Variants in SLC24A1 observed in about 807,000 individuals in gnomAD.
SLC24A1 encodes solute carrier family 24 member 1, also known as sodium/potassium/calcium exchanger 1.
Under a neutral mutation model 88.1 loss-of-function variants are expected in SLC24A1, and 52 were observed. The observed-to-expected ratio is 0.59, with a 90% confidence interval of 0.47 to 0.74. The LOEUF (loss-of-function observed/expected upper bound fraction) is 0.74, where lower values mean the gene tolerates loss of function less well. Ranked by LOEUF, SLC24A1 falls within the 30% of genes least tolerant of loss-of-function variation. The pLI is 0.00. For synonymous variants in SLC24A1, 455 were observed against 498.0 expected (o/e 0.91, Z 1.15); for missense variants, 1,173 against 1,363.3 (o/e 0.86, Z 2.20).
At chr15:65,641,760 T>G (rs967925488) in intron 4 of SLC24A1, among the ~76,000 whole-genome samples, 2 of 152,228 alleles carry the variant, frequency 1.3e-5, no homozygotes, top group East Asian at 1.9e-4. Context: ...GAGGAATCAC[T>G]GACTCTAGCA....
chr15:65,654,887 C>A lies in SLC24A1; in HGVS notation c.*808C>A, dbSNP rs1258764349. The A allele has an allele frequency of 8.5e-7, 1 of 1,177,296 alleles. No individual in the cohort carries two copies. The highest frequency in any genetic ancestry group is 1.1e-6 in the Non-Finnish European group (1 of 937,828). 72.9% of individuals were successfully genotyped at this position (1,177,296 alleles called of 1,614,324 possible). On this transcript the variant is annotated 3_prime_UTR_variant, in exon 10 of 10. Coordinates refer to ENST00000261892, the MANE Select transcript of SLC24A1 (RefSeq NM_004727.3). The stretch of plus-strand genomic sequence containing the variant: ...TGCTGGGATTACAGGCGTCAGCCAC[C>A]GCGCCTGGCCTATACCAGTATTTTC...
intron 2 of SLC24A1, among the ~76,000 whole-genome samples, chr15:65,628,002 C>T (rs2074578094): frequency 6.6e-6 from 1 of 152,062 alleles, no homozygotes; most frequent in South Asian, 2.1e-4. Flanking sequence ...GTTCTGTTGC[C>T]CAGGCTGGAG....
At chr15:65,647,623 G>T (rs929246084) in intron 6 of SLC24A1, among the ~76,000 whole-genome samples, 2 of 152,156 alleles carry the variant, frequency 1.3e-5, no homozygotes, top group African/African-American at 4.8e-5. Flanking sequence ...TACTTGCTCA[G>T]CTGGGGCTAT....
At chr15:65,617,040 G>A (rs543118422), upstream of SLC24A1, among the ~76,000 whole-genome samples, 65 of 152,252 alleles carry the variant, frequency 4.3e-4, no homozygotes, top group East Asian at 0.012. Flanking sequence ...TTGTAGATGT[G>A]TGGTGTTATT....
intron 2 of SLC24A1, among the ~76,000 whole-genome samples, chr15:65,635,037 C>A (rs567316377): frequency 6.6e-6 from 1 of 152,204 alleles, no homozygotes; most frequent in South Asian, 2.1e-4. Context: ...AACAATGAAT[C>A]CTTAGAAAGG....
At position 65,645,747 on chromosome 15, in the gene SLC24A1, G is replaced by C. The variant is rs764322567; in HGVS notation, c.2232+44G>C. 339 of 1,390,914 alleles carry C rather than the reference G, an allele frequency of 2.4e-4. 1 individual carries two copies. The highest frequency in any genetic ancestry group is 3.4e-4 in the Non-Finnish European group (337 of 1,004,262). The allele number at this position is 1,390,914 out of a possible 1,614,324, so 86.2% of individuals were successfully genotyped here. ...CACAGACAAAATTGGAGAGGTCTAG[G>C]GAAGGAACTCTTGACCAAAAATACA... On this transcript the variant is annotated intron_variant, in intron 6 of 9. Coordinates refer to ENST00000261892, the MANE Select transcript of SLC24A1 (RefSeq NM_004727.3).
chr15:65,660,264 T>C, downstream of SLC24A1: 1 of 1,532,778 alleles, frequency 6.5e-7, no homozygotes. Context: ...TTAAACTCTC[T>C]CCATTATTTC....
intron 6 of SLC24A1, among the ~76,000 whole-genome samples, chr15:65,648,487 C>T (rs2075384670): frequency 6.9e-6 from 1 of 144,934 alleles, no homozygotes; most frequent in Admixed American, 6.9e-5. Flanking sequence ...AATTTTATCT[C>T]TTTTTTTTTT....
upstream of SLC24A1, among the ~76,000 whole-genome samples, chr15:65,620,580 G>T (rs1173159004): frequency 6.6e-6 from 1 of 152,106 alleles, no homozygotes; most frequent in Non-Finnish European, 1.5e-5. Flanking sequence ...TTCAAAATGT[G>T]CCAGAATCCC....
intron 2 of SLC24A1, among the ~76,000 whole-genome samples, chr15:65,628,810 A>G (rs916640402): frequency 1.3e-5 from 2 of 152,250 alleles, no homozygotes; most frequent in Non-Finnish European, 2.9e-5. Flanking sequence ...AAAAGATTGT[A>G]TCCAGTAGAA....
chr15:65,615,605 C>T (rs1370087998), intron 2 of SLC24A1, among the ~76,000 whole-genome samples: 3 of 151,964 alleles, frequency 2.0e-5, no homozygotes, highest in South Asian at 2.1e-4. Context: ...CGCCTGAATC[C>T]GGGAGGTGGA....
chr15:65,630,057 C>T (rs1277579108), intron 2 of SLC24A1, among the ~76,000 whole-genome samples: 1 of 152,196 alleles, frequency 6.6e-6, no homozygotes, highest in African/African-American at 2.4e-5. Flanking sequence ...CTTGACCTCC[C>T]AGACTCAGGC....
intron 2 of SLC24A1, among the ~76,000 whole-genome samples, chr15:65,636,194 C>G (rs1248867385): frequency 2.0e-5 from 3 of 152,192 alleles, no homozygotes; most frequent in African/African-American, 7.2e-5. Flanking sequence ...CTGGCTCACA[C>G]CTGTGATCCC....
chr15:65,643,460 T>C (rs1199662279), intron 4 of SLC24A1, among the ~76,000 whole-genome samples: 1 of 152,180 alleles, frequency 6.6e-6, no homozygotes, highest in Non-Finnish European at 1.5e-5. Flanking sequence ...CCGGTGCTCA[T>C]GGGGCAGAGC....
intron 2 of SLC24A1, among the ~76,000 whole-genome samples, chr15:65,633,429 G>A (rs1210888967): frequency 1.3e-5 from 2 of 152,196 alleles, no homozygotes. Flanking sequence ...GGAGGCTGAG[G>A]TGGGTGGATC....
chr15:65,646,085 T>A (rs1322676748), intron 6 of SLC24A1, among the ~76,000 whole-genome samples: 1 of 152,170 alleles, frequency 6.6e-6, no homozygotes. Flanking sequence ...CTTCTGAGGC[T>A]CCTCATTGCC....
In SLC24A1 at chr15:65,624,148, G is replaced by T. The variant is rs369293983; in HGVS notation, c.68G>T (p.Ser23Ile). 2.9e-5 allele frequency: 46 copies of T among 1,613,616 alleles called. No individual in the cohort carries two copies. In the African/African-American group the frequency reaches 5.6e-4, roughly 20 times the overall value. Residue 23 changes from serine to isoleucine, a missense_variant, in exon 2 of 10, where the codon AGT (serine) becomes ATT (isoleucine). Ser to Ile is a moderately radical substitution (Grantham distance 142). Coordinates refer to ENST00000261892, the MANE Select transcript of SLC24A1 (RefSeq NM_004727.3). The stretch of plus-strand genomic sequence containing the variant: ...CTCCGGACAAAGCGGCTTCATTGGA[G>T]TCGCCTCCTCTTCTTACTGGGAATG... ...WLLRTKRLHW[S>I]RLLFLLGMLI... is the part of the protein sequence containing the mutation.
At chr15:65,643,542 G>A (rs979456671) in intron 4 of SLC24A1, among the ~76,000 whole-genome samples, 1 of 152,090 alleles carries the variant, frequency 6.6e-6, no homozygotes, top group South Asian at 2.1e-4. Flanking sequence ...CACTGCCTTC[G>A]CCCTCCCAGG....
chr15:65,652,605 G>C, intron 8 of SLC24A1, 37 bp from the exon 9 acceptor site: 1 of 1,606,472 alleles, frequency 6.2e-7, no homozygotes, highest in Non-Finnish European at 8.5e-7. Context: ...ATGTGCCTCA[G>C]GTTTTTCACC....
Sources: gnomAD v4.1 joint callset for allele counts (sites outside exome capture counted in the v4.1 genomes callset) on GRCh38, gnomAD v4.1.1 for gene constraint, MANE v1.5 for transcripts, NCBI Gene and HGNC (gene_info 2026-07-23, HGNC 2026-07-21) for gene names.